CDH8: variants seen among roughly 807,000 people sequenced by gnomAD.
CDH8 encodes the protein cadherin 8.
Under a neutral mutation model 68.1 loss-of-function variants are expected in CDH8, and 17 were observed. The ratio of observed to expected loss-of-function variants is 0.25; its 90% CI spans 0.17 to 0.37. CDH8 has a LOEUF of 0.37. Among genes scored for constraint, CDH8 ranks in the 10% least tolerant of loss-of-function variants. The probability of loss-of-function intolerance (pLI) is 1.00; values close to 1 mark genes in which losing one functional copy is unlikely to be tolerated. For missense variants in CDH8, 763 were observed against 999.3 expected (o/e 0.76, Z 3.19); for synonymous variants, 372 against 365.1 (o/e 1.02, Z -0.21).
Position 61,788,680 on chromosome 16 carries a change from G to GAAA in CDH8, c.1414+663_1414+665dup, listed in dbSNP as rs1034566462. On this transcript the variant is annotated intron_variant, in intron 8 of 11. Coordinates refer to ENST00000577390, the MANE Select transcript of CDH8 (RefSeq NM_001796.5). ...TTATAGTTTTATCAAGTGCAAAGAA[G>GAAA]AAAAAAAAGTCAATAAAAAGATTAA... is the stretch of plus-strand genomic sequence containing the variant. Among the ~76,000 whole-genome samples the GAAA allele has an allele frequency of 1.8e-4, 27 of 150,612 alleles. No homozygotes were observed. In the East Asian group the frequency reaches 5.3e-3, roughly 29 times the overall value.
At chr16:61,798,950 C>A (rs1434352155) in intron 7 of CDH8, among the ~76,000 whole-genome samples, 1 of 152,086 alleles carries the variant, frequency 6.6e-6, no homozygotes, top group Non-Finnish European at 1.5e-5. Context: ...TCTAGAAATG[C>A]ATGGAATCCG....
intron 7 of CDH8, among the ~76,000 whole-genome samples, chr16:61,801,063 A>T (rs1418704359): frequency 6.6e-6 from 1 of 152,068 alleles, no homozygotes; most frequent in Non-Finnish European, 1.5e-5. Context: ...AAGCATTATT[A>T]TTAAGTTTTG....
chr16:61,992,175 T>TGGTTCAGAG (rs1965737024), intron 2 of CDH8, among the ~76,000 whole-genome samples: 1 of 151,766 alleles, frequency 6.6e-6, no homozygotes, highest in Admixed American at 6.6e-5. Context: ...CTTTAATATG[T>TGGTTCAGAG]GGTTCAGAGA....
chr16:61,793,933 G>C (rs1014238187), intron 7 of CDH8, among the ~76,000 whole-genome samples: 8 of 151,924 alleles, frequency 5.3e-5, no homozygotes, highest in African/African-American at 1.7e-4. Flanking sequence ...TTTGCATTTT[G>C]TATAGAAGCC....
At chr16:62,012,703 G>A (rs570041210) in intron 2 of CDH8, among the ~76,000 whole-genome samples, 30 of 152,088 alleles carry the variant, frequency 2.0e-4, no homozygotes, top group African/African-American at 6.3e-4. Flanking sequence ...ATATATTGGC[G>A]GAAAAAAGAT....
At chr16:62,010,656 G>T (rs979767017) in intron 2 of CDH8, among the ~76,000 whole-genome samples, 1 of 151,900 alleles carries the variant, frequency 6.6e-6, no homozygotes, top group Non-Finnish European at 1.5e-5. Flanking sequence ...TTTTCTCTTG[G>T]GGGTAGGCAC....
intron 8 of CDH8, among the ~76,000 whole-genome samples, chr16:61,730,655 G>T (rs1173898933): frequency 6.6e-6 from 1 of 151,338 alleles, no homozygotes; most frequent in East Asian, 2.0e-4. Flanking sequence ...AAATTAATTT[G>T]TTCTTATTTA....
intron 2 of CDH8, among the ~76,000 whole-genome samples, chr16:61,905,281 C>T (rs1422300487): frequency 2.0e-5 from 3 of 152,124 alleles, no homozygotes; most frequent in African/African-American, 7.2e-5. Context: ...ACCCCATGCT[C>T]TTCTCTGTCT....
Position 61,650,376 on chromosome 16 carries a change from G to A in CDH8, c.*3232C>T, listed in dbSNP as rs188828431. On this transcript the variant is annotated 3_prime_UTR_variant, in exon 12 of 12. Coordinates refer to ENST00000577390, the MANE Select transcript of CDH8 (RefSeq NM_001796.5). The stretch of plus-strand genomic sequence containing the variant: ...AACCTTGAATTGTGAGGTAGGCAGA[G>A]GGAGATAACTTTGTCTCACTTGGCT... 9 of 152,118 alleles carry A rather than the reference G, an allele frequency of 5.9e-5. No homozygotes were observed. In the East Asian group the frequency reaches 9.7e-4, roughly 16 times the overall value. The allele number at this position is 152,118 out of a possible 1,614,324, so 9.4% of individuals were successfully genotyped here.
intron 8 of CDH8, among the ~76,000 whole-genome samples, chr16:61,734,995 T>C (rs140777688): frequency 3.5e-4 from 54 of 152,158 alleles, no homozygotes; most frequent in African/African-American, 1.2e-3. Flanking sequence ...CTTTGTCCAT[T>C]TCAGCTTCTA....
chr16:61,672,132 C>T (rs1963809753), intron 10 of CDH8, among the ~76,000 whole-genome samples: 1 of 151,926 alleles, frequency 6.6e-6, no homozygotes, highest in Non-Finnish European at 1.5e-5. Flanking sequence ...CTTGCCATCC[C>T]TAGTTGATAA....
intron 10 of CDH8, among the ~76,000 whole-genome samples, chr16:61,676,053 A>C (rs190560279): frequency 2.6e-5 from 4 of 151,656 alleles, no homozygotes; most frequent in Admixed American, 2.0e-4. Context: ...CAAATATTAC[A>C]TAAAAATAAA....
chr16:61,803,742 G>A (rs557146544), intron 7 of CDH8, among the ~76,000 whole-genome samples: 4,107 of 145,274 alleles, frequency 0.028, 192 homozygotes, highest in African/African-American at 0.1. Context: ...TAATGGTAAA[G>A]GGATCAATTC....
chr16:61,954,823 A>C (rs1319635492), intron 2 of CDH8, among the ~76,000 whole-genome samples: 1 of 152,258 alleles, frequency 6.6e-6, no homozygotes, highest in Admixed American at 6.5e-5. Context: ...AATTCAAATT[A>C]GAGTAGCCTA....
At chr16:61,944,821 G>A (rs1964775993) in intron 2 of CDH8, among the ~76,000 whole-genome samples, 1 of 152,116 alleles carries the variant, frequency 6.6e-6, no homozygotes, top group Non-Finnish European at 1.5e-5. Context: ...CATGGTTCTG[G>A]TTTTCTCATT....
At chr16:62,013,542 C>T (rs1901866889) in intron 2 of CDH8, among the ~76,000 whole-genome samples, 1 of 152,098 alleles carries the variant, frequency 6.6e-6, no homozygotes, top group African/African-American at 2.4e-5. Flanking sequence ...CAGATATATG[C>T]CAGGCACTCT....
chr16:61,830,333 T>C (rs1236880408), intron 4 of CDH8, among the ~76,000 whole-genome samples: 1 of 151,790 alleles, frequency 6.6e-6, no homozygotes, highest in Non-Finnish European at 1.5e-5. Flanking sequence ...TTAAGAAGGA[T>C]TTAAATTCTC....
At position 61,647,608 on chromosome 16, in the gene CDH8, A is replaced by G; in HGVS notation, c.*6000T>C. On this transcript the variant is annotated 3_prime_UTR_variant, in exon 12 of 12. Coordinates refer to ENST00000577390, the MANE Select transcript of CDH8 (RefSeq NM_001796.5). ...GTACAGAAGAAATCCCAAGAAATTAACATTTGGCTTTGGGGGGTGATCCCA... is the reference window on the plus strand; with the variant it reads ...GTACAGAAGAAATCCCAAGAAATTAGCATTTGGCTTTGGGGGGTGATCCCA... 1.8e-6 allele frequency: 1 copy of G among 553,730 alleles called. No individual in the cohort carries two copies. Among genetic ancestry groups the G allele is most frequent in the Non-Finnish European group, 3.2e-6 (1 of 312,082 alleles). 34.3% of individuals were successfully genotyped at this position (553,730 alleles called of 1,614,324 possible). A position where few individuals can be genotyped will look rare whatever the true frequency, so the allele number is the denominator to read the frequency against.
intron 4 of CDH8, among the ~76,000 whole-genome samples, chr16:61,855,292 C>A (rs1316864135): frequency 6.6e-6 from 1 of 152,138 alleles, no homozygotes; most frequent in East Asian, 1.9e-4. Context: ...GTTAATTAAA[C>A]AAATGGCAAT....
Sources: allele counts gnomAD v4.1 joint callset (sites outside exome capture counted in the v4.1 genomes callset), GRCh38; gene constraint gnomAD v4.1.1; transcripts MANE v1.5; gene names NCBI Gene and HGNC (gene_info 2026-07-23, HGNC 2026-07-21).